Variants in SSUH2 observed in about 807,000 individuals in gnomAD.
SSUH2 encodes the protein ssu-2 homolog.
SSUH2 carries 47 observed loss-of-function variants against 55.3 expected under a neutral mutation model. That is an observed-to-expected ratio of 0.85 (90% confidence interval 0.67 to 1.08). The LOEUF is 1.08. SSUH2 is among the 50% of genes least tolerant of loss of function. The probability of loss-of-function intolerance (pLI) is 0.00; values close to 1 mark genes in which losing one functional copy is unlikely to be tolerated. For missense variants in SSUH2, 535 were observed against 490.7 expected (o/e 1.09, Z -0.85); for synonymous variants, 212 against 191.5 (o/e 1.11, Z -0.89).
chr3:8,656,843 C>G (rs1476626163), intron 7 of SSUH2, among the ~76,000 whole-genome samples: 1 of 150,808 alleles, frequency 6.6e-6, no homozygotes, highest in East Asian at 2.0e-4. Flanking sequence ...ATGGGATTTA[C>G]CACTCTGCTT....
At chr3:8,674,133 G>A (rs1277483363) in intron 3 of SSUH2, among the ~76,000 whole-genome samples, 2 of 152,212 alleles carry the variant, frequency 1.3e-5, no homozygotes, top group Non-Finnish European at 2.9e-5. Context: ...GAGGAAAAGC[G>A]CAAAGAGAAT....
chr3:8,651,541 CA>C (rs1409034958), intron 7 of SSUH2, among the ~76,000 whole-genome samples: 1 of 152,016 alleles, frequency 6.6e-6, no homozygotes, highest in Non-Finnish European at 1.5e-5. Flanking sequence ...CCTGGGGCCA[CA>C]CAAAAATGGG....
intron 1 of SSUH2, chr3:8,679,861 A>C (rs1365886601): frequency 6.6e-6 from 1 of 152,404 alleles, no homozygotes; most frequent in Non-Finnish European, 1.5e-5. Flanking sequence ...TAAGGGAAGA[A>C]GGCAGGTGAG....
chr3:8,663,373 T>C (rs570585284), intron 6 of SSUH2, among the ~76,000 whole-genome samples: 212 of 152,384 alleles, frequency 1.4e-3, no homozygotes, highest in African/African-American at 4.8e-3. Context: ...CAGCAATGCA[T>C]GGGCTGAGCC....
At chr3:8,648,168 T>C, upstream of SSUH2, among the ~76,000 whole-genome samples, 1 of 152,178 alleles carries the variant, frequency 6.6e-6, no homozygotes, top group Non-Finnish European at 1.5e-5. Flanking sequence ...GTAAGATAGA[T>C]ATTGTTCTCC....
chr3:8,623,340 C>T (rs1326057327), intron 11 of SSUH2: 7 of 520,116 alleles, frequency 1.3e-5, no homozygotes, highest in Admixed American at 3.4e-5. Context: ...ACTTCTCCTG[C>T]GACCCACGGT....
At chr3:8,637,286 CTA>C (rs754364659) in intron 1 of SSUH2, among the ~76,000 whole-genome samples, 6 of 152,156 alleles carry the variant, frequency 3.9e-5, no homozygotes, top group Non-Finnish European at 7.4e-5. Context: ...TGAGGCAAAA[CTA>C]TGAAAAAATC....
chr3:8,676,161 T>C (rs1266460703), intron 3 of SSUH2, among the ~76,000 whole-genome samples: 32 of 152,154 alleles, frequency 2.1e-4, no homozygotes, highest in Admixed American at 8.5e-4. Context: ...TTGTGAGTAA[T>C]ATCATCTCCC....
intron 3 of SSUH2, among the ~76,000 whole-genome samples, chr3:8,673,553 T>G (rs1030624652): frequency 6.6e-6 from 1 of 152,114 alleles, no homozygotes; most frequent in East Asian, 1.9e-4. Context: ...AAGCCCTAAT[T>G]GATTTGCTCC....
intron 1 of SSUH2, among the ~76,000 whole-genome samples, chr3:8,680,230 G>A (rs1429688127): frequency 6.6e-6 from 1 of 152,078 alleles, no homozygotes. Context: ...CAACTGCCCT[G>A]CTAGTACAAG....
Position 8,678,715 on chromosome 3 carries a change from C to T in SSUH2, c.-901+990G>A, listed in dbSNP as rs1381178193. On this transcript the variant is annotated intron_variant, in intron 2 of 18. Coordinates refer to the SSUH2 transcript ENST00000317371. ...ACTCTTCCCCTCCTGGGTCTTAGGACCCCCAACGTGGGGGGGGGAGGCACC... is the reference window on the plus strand; with the variant it reads ...ACTCTTCCCCTCCTGGGTCTTAGGATCCCCAACGTGGGGGGGGGAGGCACC... 1.9e-4 allele frequency among the ~76,000 whole-genome samples: 7 copies of T among 36,054 alleles called. 3 individuals carry two copies. Among genetic ancestry groups the T allele is most frequent in the Non-Finnish European group, 3.3e-4 (6 of 18,304 alleles). 23.7% of individuals were successfully genotyped at this position (36,054 alleles called of 152,430 possible).
chr3:8,664,583 C>A (rs2125381090), intron 5 of SSUH2, among the ~76,000 whole-genome samples: 1 of 152,332 alleles, frequency 6.6e-6, no homozygotes, highest in South Asian at 2.1e-4. Context: ...AGAAACTCGA[C>A]CATCTCATTT....
intron 3 of SSUH2, among the ~76,000 whole-genome samples, chr3:8,675,424 C>T (rs1338743629): frequency 6.6e-6 from 1 of 152,170 alleles, no homozygotes; most frequent in Non-Finnish European, 1.5e-5. Flanking sequence ...GGTTGATGAC[C>T]TTCTGCTGGG....
chr3:8,642,354 T>C (rs1443084010), intron 1 of SSUH2, among the ~76,000 whole-genome samples: 3 of 152,206 alleles, frequency 2.0e-5, no homozygotes, highest in African/African-American at 7.2e-5. Flanking sequence ...AGGGCTCTTA[T>C]CTTAAACAGG....
At chr3:8,623,679 C>A in intron 10 of SSUH2, 23 bp from the exon 11 acceptor site, 1 of 1,297,882 alleles carries the variant, frequency 7.7e-7, no homozygotes, top group Non-Finnish European at 1.1e-6. Context: ...GAGAGAGACA[C>A]AGACCACCTG....
intron 1 of SSUH2, among the ~76,000 whole-genome samples, chr3:8,680,546 T>TTA (rs1296055310): frequency 1.3e-5 from 2 of 152,176 alleles, no homozygotes; most frequent in East Asian, 3.9e-4. Flanking sequence ...ATATCGTGTG[T>TTA]TATATCCTCC....
intron 4 of SSUH2, among the ~76,000 whole-genome samples, chr3:8,632,431 G>C (rs980168676): frequency 6.6e-6 from 1 of 152,218 alleles, no homozygotes; most frequent in Non-Finnish European, 1.5e-5. Flanking sequence ...GAGGTCCCTG[G>C]AATCTATGGC....
chr3:8,629,805 G>C, intron 6 of SSUH2, 79 bp from the exon 7 acceptor site: 1 of 1,397,732 alleles, frequency 7.2e-7, no homozygotes, highest in Non-Finnish European at 1.0e-6. Context: ...CATCTAAACC[G>C]AAGGTGGAGT....
At chr3:8,642,426 G>A (rs1159228147) in intron 1 of SSUH2, among the ~76,000 whole-genome samples, 1 of 152,216 alleles carries the variant, frequency 6.6e-6, no homozygotes, top group African/African-American at 2.4e-5. Context: ...AAGCTCCAGG[G>A]AGAGAGATAG....
Sources: allele counts gnomAD v4.1 joint callset (sites outside exome capture counted in the v4.1 genomes callset), GRCh38; gene constraint gnomAD v4.1.1; transcripts MANE v1.5; gene names NCBI Gene and HGNC (gene_info 2026-07-23, HGNC 2026-07-21).